GARNL3: variants seen among roughly 807,000 people sequenced by gnomAD.
GARNL3 encodes GTPase activating Rap/RanGAP domain like 3, also known as GTPase-activating Rap/Ran-GAP domain-like protein 3.
GARNL3 carries 63 observed loss-of-function variants against 125.0 expected under a neutral mutation model. That is an observed-to-expected ratio of 0.50 (90% CI 0.41 to 0.62). The LOEUF (loss-of-function observed/expected upper bound fraction) is 0.62. Among genes scored for constraint, GARNL3 ranks in the 20% least tolerant of loss-of-function variants. The pLI, the probability that GARNL3 is intolerant of heterozygous loss-of-function variation, is 0.00. For missense variants in GARNL3, 994 were observed against 1,244.0 expected, an observed-to-expected ratio of 0.80 and a Z score of 3.02; for synonymous variants, 439 against 457.5, an observed-to-expected ratio of 0.96 and a Z score of 0.52.
chr9:127,339,520 T>C, intron 12 of GARNL3, 125 bp from the exon 13 acceptor site: 1 of 679,718 alleles, frequency 1.5e-6, no homozygotes, highest in East Asian at 2.6e-5. Flanking sequence ...TTCAGTTACC[T>C]CTCCCTGGGT....
rs183202862 is a variant in GARNL3, at chr9:127,332,737, G to A, written c.671-286G>A. The stretch of plus-strand genomic sequence containing the variant: ...TGTTAAATACCTGCTTATTCTGAAC[G>A]CAAGCAGTAATAACATTTTTGTTTT... On this transcript the variant is annotated intron_variant, in intron 8 of 27. Coordinates refer to ENST00000373387, the MANE Select transcript of GARNL3 (RefSeq NM_032293.5). Among the ~76,000 whole-genome samples, 92 of 152,272 alleles carry A rather than the reference G, an allele frequency of 6.0e-4. 2 individuals carry two copies. Among genetic ancestry groups the A allele is most frequent in the Admixed American group, 1.1e-3 (17 of 15,288 alleles).
intron 24 of GARNL3, among the ~76,000 whole-genome samples, chr9:127,386,813 C>T (rs1017291570): frequency 1.3e-5 from 2 of 152,226 alleles, no homozygotes; most frequent in African/African-American, 4.8e-5. Flanking sequence ...TCCATTTCCC[C>T]ATCTGCCAAA....
intron 2 of GARNL3, among the ~76,000 whole-genome samples, chr9:127,254,416 A>T (rs1233498804): frequency 1.3e-5 from 2 of 152,232 alleles, no homozygotes; most frequent in Non-Finnish European, 2.9e-5. Flanking sequence ...TTTAAAAAGA[A>T]AAACAACTAT....
intron 11 of GARNL3, among the ~76,000 whole-genome samples, chr9:127,336,967 C>A (rs1438572532): frequency 6.6e-6 from 1 of 152,240 alleles, no homozygotes. Context: ...TCGAGTTACT[C>A]ATTTCCCTGG....
At chr9:127,251,609 A>G (rs765510223) in intron 2 of GARNL3, among the ~76,000 whole-genome samples, 24 of 152,194 alleles carry the variant, frequency 1.6e-4, no homozygotes, top group Non-Finnish European at 3.2e-4. Context: ...TTGGAATACA[A>G]TATAGAGACC....
chr9:127,379,259 C>T (rs181509299), intron 22 of GARNL3, among the ~76,000 whole-genome samples: 20 of 152,252 alleles, frequency 1.3e-4, no homozygotes, highest in Admixed American at 1.1e-3. Flanking sequence ...CTGGTTGGCT[C>T]CTAGAATATG....
chr9:127,261,793 T>C (rs1455197984), upstream of GARNL3, among the ~76,000 whole-genome samples: 1 of 152,198 alleles, frequency 6.6e-6, no homozygotes, highest in Non-Finnish European at 1.5e-5. Flanking sequence ...GAGCTGTTAT[T>C]GTTCGGGATC....
In GARNL3 at chr9:127,333,174, C is replaced by A; in HGVS notation, c.769+53C>A. 2 of 1,406,760 alleles carry A rather than the reference C, an allele frequency of 1.4e-6. No individual in the cohort carries two copies. Among genetic ancestry groups the A allele is most frequent in the South Asian group, 2.3e-5 (2 of 86,120 alleles). 87.1% of individuals were successfully genotyped at this position (1,406,760 alleles called of 1,614,324 possible). ...TGTAATTTGTATAACTTTTGTAAGT[C>A]AGCCTGACCCGTGTCTGAACTTATA... On this transcript the variant is annotated intron_variant, in intron 9 of 27. Transcript: ENST00000373387.
At chr9:127,373,701 T>C (rs56160333) in intron 22 of GARNL3, among the ~76,000 whole-genome samples, 1 of 152,084 alleles carries the variant, frequency 6.6e-6, no homozygotes, top group Admixed American at 6.5e-5. Flanking sequence ...TGAATGAAAA[T>C]ATTGGCCACT....
chr9:127,368,812 G>A (rs1333665475), intron 22 of GARNL3, among the ~76,000 whole-genome samples: 1 of 152,010 alleles, frequency 6.6e-6, no homozygotes, highest in Non-Finnish European at 1.5e-5. Flanking sequence ...GTGCGCGCCT[G>A]TAGTCCTATC....
chr9:127,291,003 G>A (rs914421200), intron 1 of GARNL3, among the ~76,000 whole-genome samples, 165 bp from the exon 2 acceptor site: 2 of 152,198 alleles, frequency 1.3e-5, no homozygotes, highest in African/African-American at 4.8e-5. Context: ...GACAGTGGGA[G>A]CCAACTGTAT....
Position 127,264,870 on chromosome 9 carries a change from T to C in GARNL3, c.-8T>C. 1 of 1,572,126 alleles carries C rather than the reference T, an allele frequency of 6.4e-7. No homozygotes were observed. On this transcript the variant is annotated 5_prime_UTR_variant, in exon 1 of 28. Transcript: ENST00000373387. ...TGCAAGTCTGTTCCATAGCAGCCCT[T>C]TTTGCAAATGGTAGTTGATTTTTGC...
chr9:127,302,673 G>C (rs2064836327), intron 2 of GARNL3, among the ~76,000 whole-genome samples: 1 of 152,174 alleles, frequency 6.6e-6, no homozygotes, highest in East Asian at 1.9e-4. Context: ...TGTTTCTGGA[G>C]AATGGAAATG....
upstream of GARNL3, among the ~76,000 whole-genome samples, chr9:127,259,073 C>G (rs2063541203): frequency 2.0e-5 from 3 of 152,214 alleles, no homozygotes; most frequent in African/African-American, 7.2e-5. Context: ...CAGCACTAAT[C>G]TCAGTGTCAG....
At position 127,357,337 on chromosome 9, in the gene GARNL3, C is replaced by T. The variant is rs1164832285; in HGVS notation, c.2054C>T (p.Thr685Ile). The change falls in exon 21 of 28, where the codon ACA becomes ATA. Residue 685 changes from threonine (T) to isoleucine (I), a missense_variant. Around this residue, in one of 5 missense-constraint regions of GARNL3, gnomAD observed 728 missense variants for 865.7 expected, o/e 0.84. Transcript: ENST00000373387. ...CAATTTGATGTGGTGAATGAGAGCA[C>T]AGGAGAAGCCTTCAGGCTGCACCAC... is the stretch of plus-strand genomic sequence containing the variant. ...RHQFDVVNES[T>I]GEAFRLHHVE... 1 of 1,614,140 alleles carries T rather than the reference C, an allele frequency of 6.2e-7. No homozygotes were observed. Among genetic ancestry groups the T allele is most frequent in the African/African-American group, 1.3e-5 (1 of 75,060 alleles).
rs907789040 is a variant in GARNL3 at position 127,280,949 on chromosome 9, G to A, written c.145-10219G>A. Among the ~76,000 whole-genome samples, 57 of 152,188 alleles carry A rather than the reference G, an allele frequency of 3.7e-4. 1 individual carries two copies. The highest frequency in any genetic ancestry group is 3.7e-3 in the Admixed American group (57 of 15,288). On this transcript the variant is annotated intron_variant, in intron 1 of 27. Coordinates refer to ENST00000373387, the MANE Select transcript of GARNL3 (RefSeq NM_032293.5). This position sits in a 1 kb window ranked among gnomAD's most constrained non-coding sequence, Gnocchi z 4.5. ...TAATGGCTCAGAAGATTGGATGGTG[G>A]TGAGGATCTAGCCATAATCAAATAG...
chr9:127,360,838 A>T (rs1830958221), intron 21 of GARNL3, among the ~76,000 whole-genome samples: 1 of 152,214 alleles, frequency 6.6e-6, no homozygotes, highest in Admixed American at 6.5e-5. Flanking sequence ...CGGGTTCTGT[A>T]ACAATCCTAG....
chr9:127,385,025 A>C lies in GARNL3; in HGVS notation c.2270-2A>C. Reference sequence around the variant, plus strand: ...GGAGGTGACACTCCCGTTCCCTTGCAGTCTGTGCTTTCCCGTATCTCCTGG... The same window carrying C: ...GGAGGTGACACTCCCGTTCCCTTGCCGTCTGTGCTTTCCCGTATCTCCTGG... On this transcript the variant is annotated splice_acceptor_variant, in intron 23 of 27. Coordinates refer to ENST00000373387, the MANE Select transcript of GARNL3 (RefSeq NM_032293.5). LOFTEE classifies it high-confidence loss of function. The surrounding 1 kb of genome is among the most constrained non-coding windows in gnomAD (Gnocchi z 4.1). The C allele has an allele frequency of 1.3e-6, 2 of 1,598,676 alleles. No homozygotes were observed. Among genetic ancestry groups the C allele is most frequent in the Non-Finnish European group, 1.7e-6 (2 of 1,169,026 alleles).
intron 2 of GARNL3, among the ~76,000 whole-genome samples, chr9:127,245,723 T>C (rs572912213): frequency 1.3e-5 from 2 of 152,338 alleles, no homozygotes; most frequent in South Asian, 4.1e-4. Context: ...GCATCCTAAA[T>C]GCATTTTCTC....
Sources: gnomAD v4.1 joint callset for allele counts (sites outside exome capture counted in the v4.1 genomes callset) on GRCh38, gnomAD v4.1.1 for gene constraint, gnomAD v4.1.1 regional missense constraint, Gnocchi (gnomAD v3.1) non-coding constraint, MANE v1.5 for transcripts, NCBI Gene and HGNC (gene_info 2026-07-23, HGNC 2026-07-21) for gene names.